CTNNA2: variants seen among roughly 807,000 people sequenced by gnomAD.
CTNNA2 encodes the protein catenin alpha-2.
CTNNA2 carries 42 observed loss-of-function variants against 101.0 expected under a neutral mutation model. That is an observed-to-expected ratio of 0.42 (90% CI 0.32 to 0.54). The LOEUF (loss-of-function observed/expected upper bound fraction) is 0.54, where lower values mean the gene tolerates loss of function less well. Ranked by LOEUF, CTNNA2 falls within the 20% of genes least tolerant of loss-of-function variation. The probability of loss-of-function intolerance (pLI) is 0.14; values close to 1 mark genes in which losing one functional copy is unlikely to be tolerated. For missense variants in CTNNA2, 871 were observed against 1,223.1 expected (o/e 0.71, Z 4.29); for synonymous variants, 450 against 456.4 (o/e 0.99, Z 0.18).
At chr2:80,438,520 G>A (rs1311473344) in intron 9 of CTNNA2, among the ~76,000 whole-genome samples, 3 of 151,596 alleles carry the variant, frequency 2.0e-5, no homozygotes, top group South Asian at 4.2e-4. Context: ...CATTATTTAT[G>A]CCAATTATTG....
At chr2:79,972,495 T>C (rs1040767968) in intron 7 of CTNNA2, among the ~76,000 whole-genome samples, 1 of 152,170 alleles carries the variant, frequency 6.6e-6, no homozygotes, top group South Asian at 2.1e-4. Flanking sequence ...GCTCCTTTAT[T>C]TTAGGCACTT....
intron 7 of CTNNA2, among the ~76,000 whole-genome samples, chr2:80,038,401 A>G (rs763281762): frequency 1.3e-5 from 2 of 152,142 alleles, no homozygotes; most frequent in Non-Finnish European, 2.9e-5. Context: ...GGAGAATCAC[A>G]GTTCTCTCTA....
intron 2 of CTNNA2, among the ~76,000 whole-genome samples, chr2:79,262,503 T>C (rs1020574677): frequency 1.3e-5 from 2 of 152,102 alleles, no homozygotes; most frequent in Non-Finnish European, 2.9e-5. Context: ...GTATTATTCT[T>C]AAAACTAGAA....
intron 8 of CTNNA2, among the ~76,000 whole-genome samples, chr2:80,402,156 T>C (rs1489743127): frequency 6.6e-6 from 1 of 152,144 alleles, no homozygotes; most frequent in Non-Finnish European, 1.5e-5. Flanking sequence ...CTATTTATTA[T>C]AAAGAATATT....
At chr2:79,807,489 C>T (rs868031) in intron 3 of CTNNA2, among the ~76,000 whole-genome samples, 25,763 of 152,086 alleles carry the variant, frequency 0.17, 2,905 homozygotes, top group East Asian at 0.52. Context: ...ATAGTTTAAA[C>T]TGTTCCTAGT....
chr2:80,639,239 T>A (rs1267058435), intron 18 of CTNNA2, among the ~76,000 whole-genome samples: 1 of 152,198 alleles, frequency 6.6e-6, no homozygotes, highest in Non-Finnish European at 1.5e-5. Context: ...AGACACAGTC[T>A]GTTTCTGTCA....
At chr2:79,917,082 TA>T (rs199994072) in intron 7 of CTNNA2, among the ~76,000 whole-genome samples, 13 of 32,016 alleles carry the variant, frequency 4.1e-4, no homozygotes, top group Non-Finnish European at 7.6e-4. Context: ...TTTATTTATT[TA>T]TTTTTTTGAG....
chr2:80,398,408 A>C (rs1042126596), intron 8 of CTNNA2, among the ~76,000 whole-genome samples: 9 of 152,202 alleles, frequency 5.9e-5, no homozygotes, highest in African/African-American at 2.2e-4. Flanking sequence ...GTGTTCTGTA[A>C]ACTGAAACCC....
At chr2:79,489,419 G>A (rs530451223) in intron 4 of CTNNA2, among the ~76,000 whole-genome samples, 1 of 152,188 alleles carries the variant, frequency 6.6e-6, no homozygotes, top group Admixed American at 6.6e-5. Flanking sequence ...GTGATTTCAT[G>A]GAGGAAAGGT....
chr2:79,901,069 G>A (rs548287448), intron 6 of CTNNA2, among the ~76,000 whole-genome samples: 92 of 152,324 alleles, frequency 6.0e-4, no homozygotes, highest in Non-Finnish European at 1.2e-3. Context: ...GAAAAGCTCA[G>A]AATAATTAAT....
At chr2:79,911,978 G>C (rs926532650) in intron 7 of CTNNA2, among the ~76,000 whole-genome samples, 2 of 152,152 alleles carry the variant, frequency 1.3e-5, no homozygotes, top group Admixed American at 1.3e-4. Flanking sequence ...TGCCCTGACT[G>C]AAAAGTCTAT....
chr2:80,105,029 G>A (rs62141427), intron 7 of CTNNA2, among the ~76,000 whole-genome samples: 11,650 of 152,186 alleles, frequency 0.077, 593 homozygotes, highest in Non-Finnish European at 0.11. Context: ...TTACAGTTTT[G>A]CTACTGTTCT....
At chr2:79,606,005 A>C (rs554617209) in intron 1 of CTNNA2, among the ~76,000 whole-genome samples, 1 of 152,304 alleles carries the variant, frequency 6.6e-6, no homozygotes, top group Non-Finnish European at 1.5e-5. Context: ...AAGAAAAATC[A>C]ATGTAAACTT....
chr2:80,477,402 C>T (rs1452828201), intron 9 of CTNNA2, among the ~76,000 whole-genome samples: 1 of 151,892 alleles, frequency 6.6e-6, no homozygotes, highest in Non-Finnish European at 1.5e-5. Flanking sequence ...AGTCATTTTT[C>T]ATTATAAGGA....
intron 18 of CTNNA2, among the ~76,000 whole-genome samples, chr2:80,640,477 G>GAA (rs556233512): frequency 1.6e-4 from 25 of 152,312 alleles, no homozygotes; most frequent in African/African-American, 6.0e-4. Context: ...ACTTAAGTGG[G>GAA]AAAAGATGTG....
At chr2:79,347,672 C>A (rs147422632) in intron 3 of CTNNA2, among the ~76,000 whole-genome samples, 1 of 152,026 alleles carries the variant, frequency 6.6e-6, no homozygotes, top group African/African-American at 2.4e-5. Context: ...GGCCTCAGGT[C>A]GCATGGCTTT....
intron 4 of CTNNA2, among the ~76,000 whole-genome samples, chr2:79,447,051 A>G (rs1423925661): frequency 1.3e-5 from 2 of 152,194 alleles, no homozygotes; most frequent in African/African-American, 2.4e-5. Context: ...CAGTGTACTT[A>G]TAGGATCCAC....
intron 3 of CTNNA2, among the ~76,000 whole-genome samples, chr2:79,825,897 G>T (rs2105400142): frequency 6.6e-6 from 1 of 152,240 alleles, no homozygotes; most frequent in Admixed American, 6.5e-5. Flanking sequence ...ATAATGTACT[G>T]CTGTAAATAT....
chr2:79,298,918 G>T (rs1156392236), intron 2 of CTNNA2, among the ~76,000 whole-genome samples: 2 of 152,220 alleles, frequency 1.3e-5, no homozygotes, highest in East Asian at 3.9e-4. Context: ...GATTAGAGAA[G>T]ACACTGAGCT....
Sources: gnomAD v4.1 joint callset for allele counts (sites outside exome capture counted in the v4.1 genomes callset) on GRCh38, gnomAD v4.1.1 for gene constraint, MANE v1.5 for transcripts, NCBI Gene and HGNC (gene_info 2026-07-23, HGNC 2026-07-21) for gene names.